The following PIAS1 variants were observed in gnomAD, a reference collection of about 807,000 sequenced individuals.
PIAS1 encodes the protein protein inhibitor of activated STAT 1, also known as E3 SUMO-protein ligase PIAS1.
PIAS1 carries 6 observed loss-of-function variants against 71.3 expected under a neutral mutation model. The ratio of observed to expected loss-of-function variants is 0.08; its 90% CI spans 0.05 to 0.17. The LOEUF is 0.17. Ranked by LOEUF, PIAS1 falls within the 10% of genes least tolerant of loss-of-function variation. The probability of loss-of-function intolerance (pLI) is 1.00; values close to 1 mark genes in which losing one functional copy is unlikely to be tolerated. For synonymous variants in PIAS1, 303 were observed against 292.9 expected (o/e 1.03, Z -0.35); for missense variants, 555 against 793.6 (o/e 0.70, Z 3.61).
intron 4 of PIAS1, among the ~76,000 whole-genome samples, chr15:68,144,761 G>A (rs1413780307): frequency 6.6e-6 from 1 of 152,074 alleles, no homozygotes; most frequent in Non-Finnish European, 1.5e-5. Context: ...ATGGATCCCT[G>A]ATCCCTTTGA....
chr15:68,115,773 T>C (rs1180428011), intron 2 of PIAS1, among the ~76,000 whole-genome samples: 1 of 152,170 alleles, frequency 6.6e-6, no homozygotes, highest in Non-Finnish European at 1.5e-5. Context: ...GTCAAATGCG[T>C]TTTCCTCATC....
At chr15:68,121,096 C>A (rs2092609788) in intron 2 of PIAS1, among the ~76,000 whole-genome samples, 1 of 152,124 alleles carries the variant, frequency 6.6e-6, no homozygotes, top group Non-Finnish European at 1.5e-5. Context: ...AGATTCTAAT[C>A]TGGTGTTGTT....
intron 1 of PIAS1, among the ~76,000 whole-genome samples, chr15:68,076,287 G>A (rs1236763968): frequency 6.6e-6 from 1 of 152,040 alleles, no homozygotes; most frequent in African/African-American, 2.4e-5. Flanking sequence ...GAGGTGGGTG[G>A]ATCATGTCAG....
At chr15:68,182,275 CATA>C (rs1170837778) in intron 12 of PIAS1, among the ~76,000 whole-genome samples, 6 of 148,656 alleles carry the variant, frequency 4.0e-5, no homozygotes, top group African/African-American at 1.2e-4. Flanking sequence ...ATCTTTGTAG[CATA>C]ATAATTTGAA....
In PIAS1 at chr15:68,173,607, G is replaced by T; in HGVS notation, c.1009-125G>T. 2.0e-6 allele frequency: 1 copy of T among 498,764 alleles called. No individual in the cohort carries two copies. The highest frequency in any genetic ancestry group is 3.4e-6 in the Non-Finnish European group (1 of 290,512). 30.9% of individuals were successfully genotyped at this position (498,764 alleles called of 1,614,324 possible). A position where few individuals can be genotyped will look rare whatever the true frequency, so the allele number is the denominator to read the frequency against. ...AATGTGTTTAATGTTCTTCTACATTGATGAAAAGTCAACACTGTATGCTTT... is the reference window on the plus strand; with the variant it reads ...AATGTGTTTAATGTTCTTCTACATTTATGAAAAGTCAACACTGTATGCTTT... On this transcript the variant is annotated intron_variant, in intron 8 of 13. Transcript: ENST00000249636. The surrounding 1 kb of genome is among the most constrained non-coding windows in gnomAD (Gnocchi z 4.3).
At chr15:68,133,046 A>G (rs2092698361) in intron 2 of PIAS1, among the ~76,000 whole-genome samples, 1 of 151,896 alleles carries the variant, frequency 6.6e-6, no homozygotes, top group African/African-American at 2.4e-5. Context: ...TTACACAGAA[A>G]GTAGTAGCAT....
At chr15:68,117,623 C>A (rs1050883264) in intron 2 of PIAS1, among the ~76,000 whole-genome samples, 1 of 152,204 alleles carries the variant, frequency 6.6e-6, no homozygotes, top group Non-Finnish European at 1.5e-5. Flanking sequence ...ATTTGTCTTA[C>A]TATGCATGGC....
At chr15:68,143,573 G>A (rs2092787172) in intron 4 of PIAS1, among the ~76,000 whole-genome samples, 1 of 152,038 alleles carries the variant, frequency 6.6e-6, no homozygotes. Flanking sequence ...TGTATAAAAG[G>A]TATATTTTAT....
At chr15:68,069,658 C>G (rs545139323) in intron 1 of PIAS1, among the ~76,000 whole-genome samples, 1 of 152,006 alleles carries the variant, frequency 6.6e-6, no homozygotes, top group South Asian at 2.1e-4. Flanking sequence ...AAAAATTAGC[C>G]GGGCGTGGTG....
At chr15:68,172,747 G>T (rs549938734) in intron 8 of PIAS1, among the ~76,000 whole-genome samples, 6 of 152,328 alleles carry the variant, frequency 3.9e-5, no homozygotes, top group Non-Finnish European at 7.3e-5. Context: ...GTACCTCCCT[G>T]TGCAGGTTTC....
intron 6 of PIAS1, among the ~76,000 whole-genome samples, chr15:68,147,262 A>G (rs1240550359): frequency 1.3e-5 from 2 of 152,330 alleles, no homozygotes; most frequent in African/African-American, 4.8e-5. Context: ...GCTCGTTAAC[A>G]CTATTATCTT....
intron 6 of PIAS1, among the ~76,000 whole-genome samples, chr15:68,150,913 C>T (rs2092839312): frequency 6.6e-6 from 1 of 152,002 alleles, no homozygotes. Context: ...TAGTCCCAAG[C>T]ATTTCGGATC....
At chr15:68,066,687 CTT>C (rs898821532) in intron 1 of PIAS1, among the ~76,000 whole-genome samples, 2 of 152,080 alleles carry the variant, frequency 1.3e-5, no homozygotes, top group African/African-American at 4.8e-5. Flanking sequence ...CCTTAAACAT[CTT>C]TCCCCAGGGT....
chr15:68,171,258 G>A lies in PIAS1; in HGVS notation c.1009-2474G>A, dbSNP rs1210548373. On this transcript the variant is annotated intron_variant, in intron 8 of 13. Coordinates refer to ENST00000249636, the MANE Select transcript of PIAS1 (RefSeq NM_016166.3). This position sits in a 1 kb window ranked among gnomAD's most constrained non-coding sequence, Gnocchi z 4.4. ...CGTCTTCAGTGGCAGTAACAGACATGGAGCTGTTCTCTCTTATGGTAACAG... is the reference window on the plus strand; with the variant it reads ...CGTCTTCAGTGGCAGTAACAGACATAGAGCTGTTCTCTCTTATGGTAACAG... 6.6e-6 allele frequency among the ~76,000 whole-genome samples: 1 copy of A among 152,100 alleles called. No individual in the cohort carries two copies. Among genetic ancestry groups the A allele is most frequent in the Non-Finnish European group, 1.5e-5 (1 of 68,020 alleles).
chr15:68,175,763 C>G lies in PIAS1; in HGVS notation c.1296C>G (p.Val432=). 6.2e-7 allele frequency: 1 copy of G among 1,601,436 alleles called. No homozygotes were observed. Among genetic ancestry groups the G allele is most frequent in the African/African-American group, 1.3e-5 (1 of 74,630 alleles). ...AAGTTTCTGCCTCTTACAATGGAGT[C>G]GATGGTGAGTAGTTCTTCACAAGGA... ...VQEVSASYNG[V]DGCLSSTLEH... Residue 432 remains valine, a synonymous_variant, in exon 10 of 14, where the codon GTC becomes GTG. Transcript: ENST00000249636.
intron 1 of PIAS1, among the ~76,000 whole-genome samples, chr15:68,077,419 C>T (rs1400099304): frequency 1.3e-5 from 2 of 152,116 alleles, no homozygotes; most frequent in Non-Finnish European, 2.9e-5. Context: ...GAAAAGAGTC[C>T]TTTTAACACA....
chr15:68,073,055 G>A (rs984805220), intron 1 of PIAS1, among the ~76,000 whole-genome samples: 1 of 151,896 alleles, frequency 6.6e-6, no homozygotes, highest in African/African-American at 2.4e-5. Context: ...TTGCTCTGTC[G>A]CCCAGGCTGG....
chr15:68,184,489 A>G (rs2093074737), intron 13 of PIAS1: 1 of 152,258 alleles, frequency 6.6e-6, no homozygotes, highest in Non-Finnish European at 1.5e-5. Context: ...CAAAGCAAAA[A>G]GTTTGTTTGC....
intron 8 of PIAS1, among the ~76,000 whole-genome samples, chr15:68,170,777 A>G (rs756204420): frequency 6.6e-6 from 1 of 152,060 alleles, no homozygotes; most frequent in Non-Finnish European, 1.5e-5. Flanking sequence ...AGTAGCTGGG[A>G]TCCCAGACGT....
Sources: allele counts gnomAD v4.1 joint callset (sites outside exome capture counted in the v4.1 genomes callset), GRCh38; gene constraint gnomAD v4.1.1; non-coding constraint Gnocchi (gnomAD v3.1); transcripts MANE v1.5; gene names NCBI Gene and HGNC (gene_info 2026-07-23, HGNC 2026-07-21).